The following EYA1 variants were observed in gnomAD, a reference collection of about 807,000 sequenced individuals.
EYA1 encodes EYA transcriptional coactivator and phosphatase 1.
Under a neutral mutation model 82.0 loss-of-function variants are expected in EYA1, and 16 were observed. That is an observed-to-expected ratio of 0.20 (90% CI 0.13 to 0.30). The LOEUF (loss-of-function observed/expected upper bound fraction) is 0.30. Among genes scored for constraint, EYA1 ranks in the 10% least tolerant of loss-of-function variants. The pLI, the probability that EYA1 is intolerant of heterozygous loss-of-function variation, is 1.00. For missense variants in EYA1, 633 were observed against 730.7 expected (o/e 0.87, Z 1.54); for synonymous variants, 261 against 264.4 (o/e 0.99, Z 0.12).
chr8:71,406,252 C>T (rs1830212819), intron 2 of EYA1, among the ~76,000 whole-genome samples: 1 of 152,178 alleles, frequency 6.6e-6, no homozygotes, highest in Non-Finnish European at 1.5e-5. Flanking sequence ...CATTTTCATT[C>T]CCATCAACTT....
At chr8:71,403,175 G>C (rs1471717371) in intron 2 of EYA1, among the ~76,000 whole-genome samples, 1 of 152,160 alleles carries the variant, frequency 6.6e-6, no homozygotes. Flanking sequence ...GACAGAAACT[G>C]TGTTCACAAT....
At chr8:71,540,642 A>C (rs1046882827) in intron 1 of EYA1, among the ~76,000 whole-genome samples, 1 of 152,074 alleles carries the variant, frequency 6.6e-6, no homozygotes, top group East Asian at 1.9e-4. Context: ...ATGTATTTTA[A>C]TTTTTCCTGC....
At chr8:71,464,022 T>C (rs1808601992) in intron 2 of EYA1, among the ~76,000 whole-genome samples, 1 of 152,144 alleles carries the variant, frequency 6.6e-6, no homozygotes, top group Admixed American at 6.5e-5. Flanking sequence ...TTCCACTACA[T>C]TATAATAACA....
intron 2 of EYA1, among the ~76,000 whole-genome samples, chr8:71,465,305 C>T (rs1808695238): frequency 6.6e-6 from 1 of 152,090 alleles, no homozygotes; most frequent in Admixed American, 6.5e-5. Context: ...TTGTAACTGG[C>T]CACGCCATCA....
Position 71,222,323 on chromosome 8 carries a change from T to G in EYA1, c.1141-5300A>C, listed in dbSNP as rs573061858. Among the ~76,000 whole-genome samples the G allele has an allele frequency of 6.6e-4, 81 of 122,574 alleles. 1 individual carries two copies. Among genetic ancestry groups the G allele is most frequent in the African/African-American group, 3.1e-3 (80 of 25,668 alleles). 80.4% of individuals were successfully genotyped at this position (122,574 alleles called of 152,430 possible). A position where few individuals can be genotyped will look rare whatever the true frequency, so the allele number is the denominator to read the frequency against. ...GTACAGATAGATTATGTGGAAGAAC[T>G]AGGGCCAGTGCAAGAGGCAAAGTTG... On this transcript the variant is annotated intron_variant, in intron 12 of 17. Coordinates refer to ENST00000340726, the MANE Select transcript of EYA1 (RefSeq NM_000503.6).
intron 2 of EYA1, among the ~76,000 whole-genome samples, chr8:71,531,790 A>G (rs1483723897): frequency 6.6e-6 from 1 of 152,194 alleles, no homozygotes; most frequent in Non-Finnish European, 1.5e-5. Flanking sequence ...AGATCATGAC[A>G]GAAATGATGT....
At chr8:71,276,671 T>C (rs1367534627) in intron 9 of EYA1, among the ~76,000 whole-genome samples, 4 of 152,190 alleles carry the variant, frequency 2.6e-5, no homozygotes, top group African/African-American at 9.6e-5. Context: ...CCAGGATCGA[T>C]AGGCTCGTCT....
At chr8:71,227,116 A>G (rs1194537258) in intron 12 of EYA1, among the ~76,000 whole-genome samples, 1 of 152,202 alleles carries the variant, frequency 6.6e-6, no homozygotes, top group East Asian at 1.9e-4. Context: ...GGCTGAATTA[A>G]TGTGTAAGCT....
At chr8:71,298,732 CAATG>C (rs1437111606) in intron 9 of EYA1, among the ~76,000 whole-genome samples, 7 of 152,036 alleles carry the variant, frequency 4.6e-5, no homozygotes, top group Non-Finnish European at 8.8e-5. Flanking sequence ...TATGTGGTGC[CAATG>C]AATTATAGTT....
At chr8:71,212,695 T>G (rs1282390133) in intron 16 of EYA1, among the ~76,000 whole-genome samples, 1 of 152,364 alleles carries the variant, frequency 6.6e-6, no homozygotes, top group Non-Finnish European at 1.5e-5. Context: ...GTATTCATTT[T>G]GATGAGTCCA....
At chr8:71,217,700 T>A (rs550367201) in intron 12 of EYA1, among the ~76,000 whole-genome samples, 1 of 152,154 alleles carries the variant, frequency 6.6e-6, no homozygotes, top group Non-Finnish European at 1.5e-5. Context: ...TTACATTTTT[T>A]GTGTTATTTT....
intron 5 of EYA1, 80 bp downstream of exon 5, chr8:71,322,119 T>C (rs1822628108): frequency 3.2e-6 from 4 of 1,256,550 alleles, no homozygotes; most frequent in Middle Eastern, 1.8e-4. Flanking sequence ...AGATGGAACA[T>C]GTGGGCACAG....
chr8:71,394,708 T>C (rs1276757008), intron 2 of EYA1, among the ~76,000 whole-genome samples: 1 of 152,210 alleles, frequency 6.6e-6, no homozygotes, highest in African/African-American at 2.4e-5. Context: ...TGTAGTATAG[T>C]TTCAAGTCAG....
chr8:71,526,161 A>C (rs1317865167), intron 2 of EYA1, among the ~76,000 whole-genome samples: 1 of 151,744 alleles, frequency 6.6e-6, no homozygotes, highest in Non-Finnish European at 1.5e-5. Flanking sequence ...TCCAGTCTAC[A>C]AAAATACCCA....
At chr8:71,445,675 C>T (rs191446322) in intron 2 of EYA1, among the ~76,000 whole-genome samples, 23 of 152,226 alleles carry the variant, frequency 1.5e-4, no homozygotes, top group African/African-American at 5.5e-4. Context: ...CTCACTCTGT[C>T]GCCCAGGCTG....
chr8:71,216,648 C>G (rs2128853551), intron 14 of EYA1, 44 bp downstream of exon 14: 1 of 1,599,172 alleles, frequency 6.3e-7, no homozygotes, highest in East Asian at 2.2e-5. Flanking sequence ...GGAATTGTAT[C>G]TGGACTGTCT....
rs202184823 is a variant in EYA1 at position 71,480,721 on chromosome 8, GA to G, written c.33+55022del. Among the ~76,000 whole-genome samples, 65 of 148,382 alleles carry G rather than the reference GA, an allele frequency of 4.4e-4. 1 individual carries two copies. Among genetic ancestry groups the G allele is most frequent in the Non-Finnish European group, 4.6e-4 (31 of 66,948 alleles). ...AAGAATCGAAACATTATATCTGCAT[GA>G]AAAAAAAACAGTAGAAGAGATAGTT... On this transcript the variant is annotated intron_variant, in intron 2 of 18. Transcript: ENST00000643681.
At chr8:71,272,037 C>T (rs553833859) in intron 9 of EYA1, 140 bp from the exon 10 acceptor site, 13 of 884,958 alleles carry the variant, frequency 1.5e-5, no homozygotes, top group Admixed American at 8.6e-5. Context: ...CTTTTACTTG[C>T]GCTGGTAAAT....
intron 2 of EYA1, among the ~76,000 whole-genome samples, chr8:71,442,650 T>C (rs1248537271): frequency 1.3e-5 from 2 of 152,200 alleles, no homozygotes; most frequent in African/African-American, 4.8e-5. Context: ...AACTTAGGTA[T>C]TATGGCAGGT....
Sources: allele counts gnomAD v4.1 joint callset (sites outside exome capture counted in the v4.1 genomes callset), GRCh38; gene constraint gnomAD v4.1.1; transcripts MANE v1.5; gene names NCBI Gene and HGNC (gene_info 2026-07-23, HGNC 2026-07-21).